BRWD1: variants seen among roughly 807,000 people sequenced by gnomAD.
BRWD1 encodes bromodomain and WD repeat-containing protein 1.
Under a neutral mutation model 251.2 loss-of-function variants are expected in BRWD1, and 82 were observed. That is an observed-to-expected ratio of 0.33 (90% confidence interval 0.27 to 0.39). BRWD1 has a LOEUF of 0.39. BRWD1 is among the 10% of genes least tolerant of loss of function. The pLI, the probability that BRWD1 is intolerant of heterozygous loss-of-function variation, is 1.00. For missense variants in BRWD1, 2,233 were observed against 2,711.6 expected, an observed-to-expected ratio of 0.82 and a Z score of 3.92; for synonymous variants, 918 against 902.8, an observed-to-expected ratio of 1.02 and a Z score of -0.30.
chr21:39,268,530 C>G (rs1397965457), intron 15 of BRWD1, among the ~76,000 whole-genome samples: 4 of 151,282 alleles, frequency 2.6e-5, no homozygotes, highest in South Asian at 4.1e-4. Flanking sequence ...GACACAATAT[C>G]ACTTATGTTT....
At chr21:39,252,701 TCTTC>T (rs1172160628) in intron 19 of BRWD1, among the ~76,000 whole-genome samples, 1 of 152,242 alleles carries the variant, frequency 6.6e-6, no homozygotes, top group Non-Finnish European at 1.5e-5. Context: ...GTTCTCCTTT[TCTTC>T]CTTAGAAACA....
In BRWD1 at chr21:39,185,559, T is replaced by C. The variant is rs1007618022; in HGVS notation, c.*10700A>G. ...ACATATTGGGGATCAGTAATTTAGA[T>C]GAAAGTATACTACAAAAGGAGCAAA... On this transcript the variant is annotated 3_prime_UTR_variant, in exon 41 of 41. Transcript: ENST00000342449. 2.0e-5 allele frequency: 3 copies of C among 152,032 alleles called. No homozygotes were observed. The highest frequency in any genetic ancestry group is 6.6e-5 in the Admixed American group (1 of 15,266). 9.4% of individuals were successfully genotyped at this position (152,032 alleles called of 1,614,324 possible). A position where few individuals can be genotyped will look rare whatever the true frequency, so the allele number is the denominator to read the frequency against.
At chr21:39,257,536 A>C (rs1326340569) in intron 18 of BRWD1, among the ~76,000 whole-genome samples, 1 of 152,192 alleles carries the variant, frequency 6.6e-6, no homozygotes, top group Admixed American at 6.5e-5. Flanking sequence ...GGGCTAATTA[A>C]ATCCTAAATT....
Position 39,209,980 on chromosome 21 carries a change from C to A in BRWD1, c.4197+15G>T. The A allele has an allele frequency of 6.2e-7, 1 of 1,602,082 alleles. No individual in the cohort carries two copies. Among genetic ancestry groups the A allele is most frequent in the Non-Finnish European group, 8.5e-7 (1 of 1,174,466 alleles). On this transcript the variant is annotated intron_variant, in intron 36 of 40. Transcript: ENST00000342449. ...GATCAGGCAGTTTTTTTCAATAAAC[C>A]ACATAAAAAATTACCTTTGATCTTT...
chr21:39,296,131 C>T, intron 6 of BRWD1, 134 bp downstream of exon 6: 1 of 689,134 alleles, frequency 1.5e-6, no homozygotes, highest in Non-Finnish European at 2.2e-6. Context: ...AATAATTTGA[C>T]ATTTGATACT....
chr21:39,250,685 C>G, intron 20 of BRWD1, 111 bp downstream of exon 20: 2 of 677,238 alleles, frequency 3.0e-6, no homozygotes, highest in South Asian at 4.7e-5. Context: ...AAACCTTAAG[C>G]AAGAAATACT....
At chr21:39,261,001 G>T (rs1251509494) in intron 17 of BRWD1, among the ~76,000 whole-genome samples, 1 of 152,134 alleles carries the variant, frequency 6.6e-6, no homozygotes, top group African/African-American at 2.4e-5. Context: ...GAGGTGGGCG[G>T]ATCACCTGAG....
In BRWD1 at chr21:39,293,889, A is replaced by G; in HGVS notation, c.753T>C (p.Ile251=). ...AAGTTCTCAAGCACCACACTCTAAT[A>G]ATTTTATCACAGCTCCCCGCAGCAA... ...TMIAAGSCDK[I]IRVWCLRTCA... is the part of the protein sequence containing the mutation. The change falls in exon 8 of 41, where the codon ATT becomes ATC. Residue 251 remains isoleucine (I), a synonymous_variant. Transcript: ENST00000342449. The G allele has an allele frequency of 6.2e-7, 1 of 1,614,158 alleles. No homozygotes were observed. Among genetic ancestry groups the G allele is most frequent in the Non-Finnish European group, 8.5e-7 (1 of 1,180,020 alleles).
At chr21:39,235,250 T>C (rs1274496188) in intron 23 of BRWD1, 4 of 152,036 alleles carry the variant, frequency 2.6e-5, no homozygotes, top group Non-Finnish European at 5.9e-5. Flanking sequence ...TCTCAAAAAA[T>C]AAAAAATAAA....
intron 16 of BRWD1, 63 bp downstream of exon 16, chr21:39,264,828 C>T: frequency 6.3e-7 from 1 of 1,577,322 alleles, no homozygotes; most frequent in Admixed American, 1.9e-5. Context: ...CTCATAACTA[C>T]TTATTTCCAA....
intron 15 of BRWD1, among the ~76,000 whole-genome samples, chr21:39,268,389 CCA>C (rs2034993685): frequency 6.7e-6 from 1 of 150,358 alleles, no homozygotes; most frequent in Non-Finnish European, 1.5e-5. Context: ...CGCAGCGACC[CCA>C]GATTGTGCCA....
chr21:39,210,256 AGAG>A, intron 35 of BRWD1, 109 bp from the exon 36 acceptor site: 1 of 611,818 alleles, frequency 1.6e-6, no homozygotes, highest in South Asian at 2.4e-5. Flanking sequence ...GGAAAAGGTT[AGAG>A]GACTCTTAAA....
At chr21:39,209,858 T>C in intron 36 of BRWD1, 137 bp downstream of exon 36, 2 of 850,998 alleles carry the variant, frequency 2.4e-6, no homozygotes, top group African/African-American at 1.7e-5. Context: ...TATAATAGTC[T>C]TAATTTATTC....
intron 4 of BRWD1, among the ~76,000 whole-genome samples, chr21:39,309,287 G>GA (rs1319269587): frequency 3.3e-5 from 3 of 92,122 alleles, no homozygotes; most frequent in Admixed American, 1.2e-4. Context: ...TTTCTCTAGG[G>GA]GAAAAAAAAA....
At position 39,234,052 on chromosome 21, in the gene BRWD1, A is replaced by G. The variant is rs192187530; in HGVS notation, c.2767-1554T>C. Among the ~76,000 whole-genome samples, 323 of 152,308 alleles carry G rather than the reference A, an allele frequency of 2.1e-3. 2 individuals are homozygous for G. The highest frequency in any genetic ancestry group is 7.4e-3 in the African/African-American group (308 of 41,582). ...ATAAATAAATAAAAATAATTTTTAA[A>G]AAGTTTATGTGTGACTTCATGAAGT... On this transcript the variant is annotated intron_variant, in intron 23 of 40. Transcript: ENST00000342449.
rs758131424 is a variant in BRWD1, at chr21:39,277,330, C to T, written c.1025G>A (p.Gly342Asp). The change falls in exon 11 of 41, where the codon GGT becomes GAT. Residue 342 changes from glycine to aspartate, a missense_variant. Gly to Asp is a moderately conservative substitution (Grantham distance 94). Around this residue, in one of 12 missense-constraint regions of BRWD1, gnomAD observed 315 missense variants for 421.8 expected, o/e 0.75. Coordinates refer to ENST00000342449, the MANE Select transcript of BRWD1 (RefSeq NM_033656.4). ...FSVGGMFLATGSTDHVIRMYF... is the reference protein window; with the variant it reads ...FSVGGMFLATDSTDHVIRMYF... ...CATTCTGATTACATGATCAGTACTA[C>T]CTGTGGCTAAAAACATACCACCTGA... 1 of 1,599,142 alleles carries T rather than the reference C, an allele frequency of 6.3e-7. No homozygotes were observed. Among genetic ancestry groups the T allele is most frequent in the African/African-American group, 1.3e-5 (1 of 74,332 alleles).
chr21:39,196,846 A>G lies in BRWD1; in HGVS notation c.6223T>C (p.Leu2075=). The part of the protein sequence containing the change: ...TDRTFSSEST[L]AQKATAENNF... ...TTCTCTGCAGTAGCTTTTTGTGCCA[A>G]GGTTGACTCTGAAGAAAATGTCCTA... is the stretch of plus-strand genomic sequence containing the variant. The change falls in exon 41 of 41, where the codon TTG becomes CTG. Residue 2075 remains leucine, a synonymous_variant. Coordinates refer to ENST00000342449, the MANE Select transcript of BRWD1 (RefSeq NM_033656.4). 3.1e-6 allele frequency: 5 copies of G among 1,613,696 alleles called. No individual in the cohort carries two copies. Among genetic ancestry groups the G allele is most frequent in the Non-Finnish European group, 4.2e-6 (5 of 1,179,946 alleles).
intron 8 of BRWD1, among the ~76,000 whole-genome samples, chr21:39,288,509 G>A (rs2035709494): frequency 6.6e-6 from 1 of 152,022 alleles, no homozygotes; most frequent in African/African-American, 2.4e-5. Flanking sequence ...CTTCTTTGAT[G>A]TATGGATTAT....
rs938214125 is a variant in BRWD1, at chr21:39,191,023, T to C, written c.*5236A>G. ...ATTGCAATTTTTAATAAAAATCTCA[T>C]AAAAGCCTTATTTTGAAATATGAAT... is the stretch of plus-strand genomic sequence containing the variant. On this transcript the variant is annotated 3_prime_UTR_variant, in exon 41 of 41. Coordinates refer to ENST00000342449, the MANE Select transcript of BRWD1 (RefSeq NM_033656.4). 22 of 985,158 alleles carry C rather than the reference T, an allele frequency of 2.2e-5. No individual in the cohort carries two copies. The African/African-American group carries it at 2.6e-4, about 12-fold the overall frequency. The allele number at this position is 985,158 out of a possible 1,614,324, so 61.0% of individuals were successfully genotyped here.
Sources: gnomAD v4.1 joint callset for allele counts (sites outside exome capture counted in the v4.1 genomes callset) on GRCh38, gnomAD v4.1.1 for gene constraint, gnomAD v4.1.1 regional missense constraint, MANE v1.5 for transcripts, NCBI Gene and HGNC (gene_info 2026-07-23, HGNC 2026-07-21) for gene names.